Variants in PRUNE2 observed in about 807,000 individuals in gnomAD.
PRUNE2 encodes prune homolog 2 with BCH domain.
In PRUNE2, 164 loss-of-function variants were observed where a neutral mutation model predicts 252.0. The observed-to-expected ratio is 0.65, with a 90% confidence interval of 0.57 to 0.74. The LOEUF (loss-of-function observed/expected upper bound fraction) is 0.74. Among genes scored for constraint, PRUNE2 ranks in the 30% least tolerant of loss-of-function variants. The pLI, the probability that PRUNE2 is intolerant of heterozygous loss-of-function variation, is 0.00. For missense variants in PRUNE2, 3,495 were observed against 3,711.0 expected (o/e 0.94, Z 1.51); for synonymous variants, 1,292 against 1,350.2 (o/e 0.96, Z 0.94).
At chr9:76,717,969 C>T (rs1394419725) in intron 6 of PRUNE2, among the ~76,000 whole-genome samples, 1 of 152,124 alleles carries the variant, frequency 6.6e-6, no homozygotes, top group East Asian at 1.9e-4. Context: ...GAGAAAAAGC[C>T]TTTGTTATTT....
At chr9:76,691,158 G>A (rs1314611004) in intron 9 of PRUNE2, among the ~76,000 whole-genome samples, 1 of 152,230 alleles carries the variant, frequency 6.6e-6, no homozygotes, top group African/African-American at 2.4e-5. Flanking sequence ...CCATCTGGCT[G>A]TAAGTGGTCC....
intron 9 of PRUNE2, among the ~76,000 whole-genome samples, chr9:76,661,790 A>T (rs1851540374): frequency 6.6e-6 from 1 of 152,244 alleles, no homozygotes; most frequent in Non-Finnish European, 1.5e-5. Context: ...TAATTTGAAA[A>T]GAAATATATA....
intron 1 of PRUNE2, chr9:76,862,715 A>C (rs74790922): frequency 8.6e-5 from 13 of 151,446 alleles, no homozygotes; most frequent in Admixed American, 1.3e-4. Flanking sequence ...AGAAACTCAC[A>C]AAAAAAAACC....
At position 76,906,079 on chromosome 9, in the gene PRUNE2, G is replaced by C; in HGVS notation, c.-116C>G. 1 of 1,091,222 alleles carries C rather than the reference G, an allele frequency of 9.2e-7. No individual in the cohort carries two copies. Among genetic ancestry groups the C allele is most frequent in the Admixed American group, 1.8e-5 (1 of 54,330 alleles). 67.6% of individuals were successfully genotyped at this position (1,091,222 alleles called of 1,614,324 possible). The stretch of plus-strand genomic sequence containing the variant: ...GCCCGCCGGGGCGCAGCGACCGACT[G>C]CTCCCTCCTGCCGCTCTGAGGCGGC... On this transcript the variant is annotated 5_prime_UTR_variant, in exon 1 of 19. Transcript: ENST00000376718.
At chr9:76,636,015 G>C (rs1042264241) in intron 15 of PRUNE2, among the ~76,000 whole-genome samples, 1 of 152,106 alleles carries the variant, frequency 6.6e-6, no homozygotes, top group Non-Finnish European at 1.5e-5. Context: ...ATATAACTTT[G>C]GTAGTTATAT....
rs1376046356 is a variant in PRUNE2, at chr9:76,709,897, C to T, written c.2377G>A (p.Ala793Thr). 6.2e-7 allele frequency: 1 copy of T among 1,613,864 alleles called. No homozygotes were observed. The highest frequency in any genetic ancestry group is 8.5e-7 in the Non-Finnish European group (1 of 1,179,842). ...GNPTDDGEPA[A>T]VAPFPAWSAF... ...CTCCAGGCTGGGAATGGCGCCACAG[C>T]TGCTGGTTCACCATCATCTGTAGGA... is the stretch of plus-strand genomic sequence containing the variant. The change falls in exon 8 of 19, where the codon GCT (alanine) becomes ACT (threonine). Residue 793 changes from alanine to threonine, a missense_variant. By Grantham distance (58) the Ala-to-Thr change is moderately conservative. Transcript: ENST00000376718.
At chr9:76,893,503 G>A (rs2062618534) in intron 1 of PRUNE2, among the ~76,000 whole-genome samples, 1 of 152,194 alleles carries the variant, frequency 6.6e-6, no homozygotes. Flanking sequence ...TATAAATCCT[G>A]CTGAAAGCAG....
rs1827467377 is a variant in PRUNE2 at position 76,611,610 on chromosome 9, G to T, written c.*2960C>A. 1 of 152,594 alleles carries T rather than the reference G, an allele frequency of 6.6e-6. No individual in the cohort carries two copies. Among genetic ancestry groups the T allele is most frequent in the African/African-American group, 2.4e-5 (1 of 41,448 alleles). The allele number at this position is 152,594 out of a possible 1,614,324, so 9.5% of individuals were successfully genotyped here. A position where few individuals can be genotyped will look rare whatever the true frequency, so the allele number is the denominator to read the frequency against. ...AGGGAACAAACTACTGAGGCATTGT[G>T]ATAAGACGAGAGTTGCAAACATAGT... On this transcript the variant is annotated 3_prime_UTR_variant, in exon 19 of 19. Transcript: ENST00000376718.
chr9:76,788,894 A>C (rs2055284885), intron 6 of PRUNE2, among the ~76,000 whole-genome samples: 1 of 152,188 alleles, frequency 6.6e-6, no homozygotes, highest in African/African-American at 2.4e-5. Context: ...GGGTATGTAT[A>C]TAAGCTTCAA....
rs756866795 is a variant in PRUNE2 at position 76,709,674 on chromosome 9, T to C, written c.2600A>G (p.Lys867Arg). Reference protein sequence around the residue: ...NNEAAPEIWGKKNNDSRDHIF... With the variant: ...NNEAAPEIWGRKNNDSRDHIF... ...GTGATCCCTGGAGTCATTGTTTTTC[T>C]TGCCCCAGATTTCTGGAGCTGCTTC... The change falls in exon 8 of 19, where the codon AAG becomes AGG. Residue 867 changes from lysine (K) to arginine (R), a missense_variant. Transcript: ENST00000376718. The C allele has an allele frequency of 1.9e-6, 3 of 1,613,928 alleles. No homozygotes were observed. In the South Asian group the frequency reaches 3.3e-5, roughly 18 times the overall value.
intron 6 of PRUNE2, among the ~76,000 whole-genome samples, chr9:76,806,566 G>C (rs1012767268): frequency 6.6e-6 from 1 of 150,972 alleles, no homozygotes; most frequent in African/African-American, 2.4e-5. Context: ...GGAGTGCAGG[G>C]GTGCCATCTC....
At chr9:76,751,922 A>C (rs542478995) in intron 6 of PRUNE2, among the ~76,000 whole-genome samples, 1 of 152,304 alleles carries the variant, frequency 6.6e-6, no homozygotes, top group Non-Finnish European at 1.5e-5. Context: ...AAGCCATGAC[A>C]TCATTTAGGA....
At chr9:76,887,665 T>G (rs2062185676) in intron 1 of PRUNE2, among the ~76,000 whole-genome samples, 1 of 152,334 alleles carries the variant, frequency 6.6e-6, no homozygotes, top group African/African-American at 2.4e-5. Context: ...GAACGATTAC[T>G]GGAGCCTACC....
rs2046675515 is a variant in PRUNE2, at chr9:76,710,865, C to T, written c.1409G>A (p.Ser470Asn). The T allele has an allele frequency of 1.3e-6, 2 of 1,544,620 alleles. No homozygotes were observed. The highest frequency in any genetic ancestry group is 4.0e-5 in the Admixed American group (2 of 50,020). The change falls in exon 8 of 19, where the codon AGC becomes AAC. Residue 470 changes from serine to asparagine, a missense_variant. Coordinates refer to ENST00000376718, the MANE Select transcript of PRUNE2 (RefSeq NM_015225.3). ...HTLLPGLDSY[S>N]PIPEGAVAEE... ...CGCCACCGCCCCTTCAGGGATGGGG[C>T]TGTAGGAGTCAAGCCCTGGGAGAAG...
intron 6 of PRUNE2, among the ~76,000 whole-genome samples, chr9:76,778,069 C>T (rs890087538): frequency 3.3e-5 from 5 of 152,174 alleles, no homozygotes; most frequent in African/African-American, 1.2e-4. Flanking sequence ...CTTGGCTGCA[C>T]ATTAGATTTA....
intron 6 of PRUNE2, among the ~76,000 whole-genome samples, chr9:76,780,528 A>C (rs1053843900): frequency 6.6e-6 from 1 of 152,036 alleles, no homozygotes; most frequent in African/African-American, 2.4e-5. Flanking sequence ...TCTAATAAAA[A>C]AAAATACAAA....
intron 6 of PRUNE2, chr9:76,733,657 G>A (rs919380089): frequency 4.0e-5 from 6 of 151,752 alleles, no homozygotes; most frequent in East Asian, 3.9e-4. Flanking sequence ...TGCCTGCTTC[G>A]GCCTCCCAGA....
chr9:76,733,242 T>G (rs558611757), intron 6 of PRUNE2, among the ~76,000 whole-genome samples: 3 of 152,304 alleles, frequency 2.0e-5, no homozygotes, highest in Admixed American at 2.0e-4. Flanking sequence ...CTTCATGGAC[T>G]GAAGTGCTAC....
At chr9:76,713,174 A>G (rs1394753147) in intron 7 of PRUNE2, among the ~76,000 whole-genome samples, 1 of 152,046 alleles carries the variant, frequency 6.6e-6, no homozygotes, top group Non-Finnish European at 1.5e-5. Context: ...CCTGGAGACA[A>G]ACTAACTTTG....
Sources: allele counts gnomAD v4.1 joint callset (sites outside exome capture counted in the v4.1 genomes callset), GRCh38; gene constraint gnomAD v4.1.1; transcripts MANE v1.5; gene names NCBI Gene and HGNC (gene_info 2026-07-23, HGNC 2026-07-21).